SNTG2: variants seen among roughly 807,000 people sequenced by gnomAD.
The protein encoded by SNTG2 is gamma-2-syntrophin.
In SNTG2, 74 loss-of-function variants were observed where a neutral mutation model predicts 70.9. The ratio of observed to expected loss-of-function variants is 1.04; its 90% CI spans 0.86 to 1.27. SNTG2 has a LOEUF of 1.27. SNTG2 is among the 50% of genes most tolerant of loss of function. The pLI is 0.00. For missense variants in SNTG2, 717 were observed against 690.7 expected (o/e 1.04, Z -0.43); for synonymous variants, 278 against 273.8 (o/e 1.02, Z -0.15).
At chr2:1,156,123 C>T (rs1384881028) in intron 6 of SNTG2, among the ~76,000 whole-genome samples, 1 of 152,126 alleles carries the variant, frequency 6.6e-6, no homozygotes, top group Non-Finnish European at 1.5e-5. Context: ...GGCACAGGGC[C>T]GCCCGTGGAT....
chr2:1,308,572 G>T lies in SNTG2; in HGVS notation c.1363G>T (p.Glu455Ter). ...TTTCGCGTTGGGATTTACCTGTTTT[G>T]AGAGTAAGACCAAGGTAAGAGGCCA... is the stretch of plus-strand genomic sequence containing the variant. ...VDFALGFTCF[E>*]SKTKNVLWRF... The change falls in exon 15 of 17, where the codon GAG (glutamate) becomes TAG (stop). Residue 455 changes from glutamate (E) to a stop codon, truncating the protein, a stop_gained. Coordinates refer to ENST00000308624, the MANE Select transcript of SNTG2 (RefSeq NM_018968.4). LOFTEE classifies it high-confidence loss of function. 4 of 1,551,698 alleles carry T rather than the reference G, an allele frequency of 2.6e-6. No homozygotes were observed. Among genetic ancestry groups the T allele is most frequent in the Non-Finnish European group, 3.5e-6 (4 of 1,146,962 alleles).
At chr2:958,741 T>C (rs113513838) in intron 1 of SNTG2, among the ~76,000 whole-genome samples, 2,980 of 152,282 alleles carry the variant, frequency 0.02, 88 homozygotes, top group African/African-American at 0.068. Flanking sequence ...TGAAAAAAAT[T>C]GTGTGGACTT....
intron 16 of SNTG2, among the ~76,000 whole-genome samples, chr2:1,324,940 TC>T (rs1398516281): frequency 6.6e-6 from 1 of 152,210 alleles, no homozygotes; most frequent in Non-Finnish European, 1.5e-5. Flanking sequence ...TCCTTCCTTT[TC>T]AAGTTCCCAA....
chr2:1,127,129 T>G (rs967000131), intron 4 of SNTG2, among the ~76,000 whole-genome samples: 2 of 146 alleles, frequency 0.014, no homozygotes, highest in Non-Finnish European at 0.1. Flanking sequence ...TTTGAGTTGA[T>G]TTTTTTATAC....
In SNTG2 at chr2:1,233,762, T is replaced by C. The variant is rs182983114; in HGVS notation, c.720-4126T>C. On this transcript the variant is annotated intron_variant, in intron 9 of 16. Coordinates refer to ENST00000308624, the MANE Select transcript of SNTG2 (RefSeq NM_018968.4). ...CTAGAGTATAAGTCTATTTTCAGTTTTCTCTTTGGAATTGAAAAATTCTCT... is the reference window on the plus strand; with the variant it reads ...CTAGAGTATAAGTCTATTTTCAGTTCTCTCTTTGGAATTGAAAAATTCTCT... Among the ~76,000 whole-genome samples, 29 of 152,364 alleles carry C rather than the reference T, an allele frequency of 1.9e-4. 2 individuals carry two copies. The East Asian group carries it at 4.1e-3, about 21-fold the overall frequency.
Position 1,039,389 on chromosome 2 carries a change from A to G in SNTG2, c.73-44129A>G, listed in dbSNP as rs538526001. ...ACATTGAAATGCTTTCTGTGTGTCA[A>G]ATTCAGATTATTCAAATGTTATGCC... On this transcript the variant is annotated intron_variant, in intron 1 of 16. Transcript: ENST00000308624. Among the ~76,000 whole-genome samples the G allele has an allele frequency of 4.6e-5, 7 of 152,316 alleles. No individual in the cohort carries two copies. In the East Asian group the frequency reaches 1.3e-3, roughly 29 times the overall value.
At chr2:999,944 A>G (rs1661813532) in intron 1 of SNTG2, among the ~76,000 whole-genome samples, 1 of 152,006 alleles carries the variant, frequency 6.6e-6, no homozygotes, top group Non-Finnish European at 1.5e-5. Context: ...CTCAGACCAT[A>G]GTGGAATAAA....
At chr2:1,040,717 A>G (rs1407292102) in intron 1 of SNTG2, among the ~76,000 whole-genome samples, 1 of 152,238 alleles carries the variant, frequency 6.6e-6, no homozygotes, top group Non-Finnish European at 1.5e-5. Flanking sequence ...GGTATGAAGC[A>G]TTTCAAAAGA....
At chr2:961,664 A>G (rs996074008) in intron 1 of SNTG2, among the ~76,000 whole-genome samples, 1 of 152,044 alleles carries the variant, frequency 6.6e-6, no homozygotes, top group Non-Finnish European at 1.5e-5. Flanking sequence ...CTCTTATGTC[A>G]TTTTGAGTTC....
At chr2:1,144,997 C>G (rs1339337122) in intron 6 of SNTG2, among the ~76,000 whole-genome samples, 1 of 152,102 alleles carries the variant, frequency 6.6e-6, no homozygotes, top group Non-Finnish European at 1.5e-5. Context: ...GAAGAAATCT[C>G]AATAGAAATC....
intron 7 of SNTG2, among the ~76,000 whole-genome samples, chr2:1,168,100 C>T (rs376316805): frequency 2.1e-5 from 3 of 140,768 alleles, no homozygotes; most frequent in East Asian, 4.8e-4. Context: ...CGCCCACAGA[C>T]GGCAGTACTG....
At position 1,010,915 on chromosome 2, in the gene SNTG2, G is replaced by A. The variant is rs564950745; in HGVS notation, c.72+59847G>A. ...TAGGCCCTAGAGTCTTCCGACTCTG[G>A]ACAGAAAATAGAAAAGTGGAACTGA... On this transcript the variant is annotated intron_variant, in intron 1 of 16. Coordinates refer to ENST00000308624, the MANE Select transcript of SNTG2 (RefSeq NM_018968.4). Among the ~76,000 whole-genome samples the A allele has an allele frequency of 2.0e-3, 312 of 152,316 alleles. 3 individuals carry two copies. Among genetic ancestry groups the A allele is most frequent in the African/African-American group, 7.3e-3 (302 of 41,562 alleles).
chr2:1,252,352 C>T (rs1677819687), intron 12 of SNTG2, among the ~76,000 whole-genome samples: 2 of 152,162 alleles, frequency 1.3e-5, no homozygotes, highest in African/African-American at 4.8e-5. Context: ...TTCTAGTGGT[C>T]TCCAACTGTC....
intron 6 of SNTG2, among the ~76,000 whole-genome samples, chr2:1,162,608 C>G (rs1187242561): frequency 6.6e-6 from 1 of 152,164 alleles, no homozygotes; most frequent in Non-Finnish European, 1.5e-5. Context: ...CTCTGCACCT[C>G]CAGGGACGAG....
chr2:1,071,043 G>T (rs1348389331), intron 1 of SNTG2, among the ~76,000 whole-genome samples: 2 of 152,222 alleles, frequency 1.3e-5, no homozygotes, highest in African/African-American at 4.8e-5. Flanking sequence ...GACGCAGGCA[G>T]TGGGACTGGT....
intron 1 of SNTG2, among the ~76,000 whole-genome samples, chr2:970,280 T>C (rs1285760145): frequency 6.6e-6 from 1 of 152,130 alleles, no homozygotes; most frequent in African/African-American, 2.4e-5. Context: ...GAGGATTTTT[T>C]TTAATTATTT....
At chr2:1,362,782 G>A (rs1381665741) in intron 16 of SNTG2, among the ~76,000 whole-genome samples, 1 of 151,972 alleles carries the variant, frequency 6.6e-6, no homozygotes, top group East Asian at 1.9e-4. Context: ...CCGACGCTGA[G>A]CATTTCAATA....
intron 1 of SNTG2, among the ~76,000 whole-genome samples, chr2:1,062,907 T>C (rs1031211636): frequency 2.6e-5 from 4 of 152,190 alleles, no homozygotes; most frequent in African/African-American, 7.2e-5. Context: ...TACACACATA[T>C]ACATACATAC....
At chr2:1,168,137 A>G (rs1285171297) in intron 7 of SNTG2, among the ~76,000 whole-genome samples, 2 of 142,848 alleles carry the variant, frequency 1.4e-5, no homozygotes, top group African/African-American at 5.6e-5. Flanking sequence ...CACAGACGGC[A>G]GAACTGAAAC....
Sources: gnomAD v4.1 joint callset for allele counts (sites outside exome capture counted in the v4.1 genomes callset) on GRCh38, gnomAD v4.1.1 for gene constraint, MANE v1.5 for transcripts, NCBI Gene and HGNC (gene_info 2026-07-23, HGNC 2026-07-21) for gene names.